The following OR5B12 variants were observed in gnomAD, a reference collection of about 807,000 sequenced individuals.
OR5B12 encodes olfactory receptor family 5 subfamily B member 12.
For synonymous variants in OR5B12, 154 were observed against 138.0 expected (o/e 1.12, Z -0.81); for missense variants, 418 against 377.0 (o/e 1.11, Z -0.90).
rs1855507849 is a variant in OR5B12 at position 58,442,155 on chromosome 11, T to C, written c.-129A>G. 1.3e-5 allele frequency: 2 copies of C among 152,202 alleles called. No individual in the cohort carries two copies. Among genetic ancestry groups the C allele is most frequent in the African/African-American group, 4.8e-5 (2 of 41,454 alleles). 9.4% of individuals were successfully genotyped at this position (152,202 alleles called of 1,614,324 possible). The stretch of plus-strand genomic sequence containing the variant: ...AGGAAAACAACTTTTTGGAGACTGT[T>C]CTTTAGCGTTTGGCCAAAAGGCTTA... On this transcript the variant is annotated 5_prime_UTR_variant, in exon 1 of 2. Transcript: ENST00000641921.
intron 1 of OR5B12, among the ~76,000 whole-genome samples, chr11:58,440,582 T>G (rs1855490162): frequency 6.6e-6 from 1 of 152,208 alleles, no homozygotes; most frequent in Non-Finnish European, 1.5e-5. Flanking sequence ...AGTAATTTAT[T>G]TAATTGACTG....
chr11:58,440,220 C>T lies in OR5B12; in HGVS notation c.-19-50G>A. 4 of 1,134,602 alleles carry T rather than the reference C, an allele frequency of 3.5e-6. 1 individual carries two copies. The highest frequency in any genetic ancestry group is 2.4e-5 in the East Asian group (1 of 42,242). 70.3% of individuals were successfully genotyped at this position (1,134,602 alleles called of 1,614,324 possible). On this transcript the variant is annotated intron_variant, in intron 1 of 1. Coordinates refer to ENST00000641921, the MANE Select transcript of OR5B12 (RefSeq NM_001004733.3). Reference sequence around the variant, plus strand: ...AGAATGATAAATGGAGGGAGGACTACTGAGATCAATCAGCATGCCATTTTT... The same window carrying T: ...AGAATGATAAATGGAGGGAGGACTATTGAGATCAATCAGCATGCCATTTTT...
Position 58,439,767 on chromosome 11 carries a change from G to T in OR5B12, c.385C>A (p.His129Asn). 1 of 1,613,294 alleles carries T rather than the reference G, an allele frequency of 6.2e-7. No individual in the cohort carries two copies. Among genetic ancestry groups the T allele is most frequent in the Non-Finnish European group, 8.5e-7 (1 of 1,179,156 alleles). ...DRYAALCKPL[H>N]YTTTMTTNVC... ...TTTGTTGTCATGGTGGTGGTGTAAT[G>T]CAGGGGTTTACACAATGCTGCATAG... The change falls in exon 2 of 2, where the codon CAT becomes AAT. Residue 129 changes from histidine to asparagine, a missense_variant. Coordinates refer to ENST00000641921, the MANE Select transcript of OR5B12 (RefSeq NM_001004733.3).
chr11:58,441,598 C>A (rs1296404848), intron 1 of OR5B12, among the ~76,000 whole-genome samples: 1 of 152,012 alleles, frequency 6.6e-6, no homozygotes, highest in Non-Finnish European at 1.5e-5. Flanking sequence ...AAAATGCTTC[C>A]AAATCCAAAA....
Position 58,439,677 on chromosome 11 carries a change from C to T in OR5B12, c.475G>A (p.Gly159Arg), listed in dbSNP as rs1261467809. Residue 159 changes from glycine (G) to arginine (R), a missense_variant, in exon 2 of 2, where the codon GGG (glycine) becomes AGG (arginine). Physicochemically the swap from Gly to Arg is moderately radical, Grantham distance 125. Coordinates refer to ENST00000641921, the MANE Select transcript of OR5B12 (RefSeq NM_001004733.3). The part of the protein sequence containing the change: ...CGFLNASIHT[G>R]NTFRLSFCRS... Reference sequence around the variant, plus strand: ...CAGAAGGAGAGCCTGAAAGTGTTCCCAGTATGAATGGATGCATTCAGGAAA... The same window carrying T: ...CAGAAGGAGAGCCTGAAAGTGTTCCTAGTATGAATGGATGCATTCAGGAAA... 1 of 1,613,972 alleles carries T rather than the reference C, an allele frequency of 6.2e-7. No homozygotes were observed. Among genetic ancestry groups the T allele is most frequent in the East Asian group, 2.2e-5 (1 of 44,866 alleles).
chr11:58,439,503 A>C lies in OR5B12; in HGVS notation c.649T>G (p.Leu217Val). The change falls in exon 2 of 2, where the codon TTA becomes GTA. Residue 217 changes from leucine (L) to valine (V), a missense_variant. By Grantham distance (32) the Leu-to-Val change is conservative (BLOSUM62 1). Transcript: ENST00000641921. Reference protein sequence around the residue: ...FSILVILISYLFIFITIMKMR... With the variant: ...FSILVILISYVFIFITIMKMR... ...TTCATGATGGTGATAAATATAAATA[A>C]GTAGGAGATCAAGATTACCAGGATA... The C allele has an allele frequency of 6.2e-7, 1 of 1,614,088 alleles. No homozygotes were observed. Among genetic ancestry groups the C allele is most frequent in the Non-Finnish European group, 8.5e-7 (1 of 1,180,010 alleles).
chr11:58,439,823 C>G lies in OR5B12; in HGVS notation c.329G>C (p.Ser110Thr), dbSNP rs530654758. Residue 110 changes from serine to threonine, a missense_variant, in exon 2 of 2, where the codon AGT becomes ACT. Transcript: ENST00000641921. The part of the protein sequence containing the change: ...FFFVAFITAE[S>T]FLLASMAYDR... The stretch of plus-strand genomic sequence containing the variant: ...ATAGGCCATTGATGCCAGGAGGAAA[C>G]TTTCTGCAGTGATAAAGGCTACAAA... 1 of 1,614,160 alleles carries G rather than the reference C, an allele frequency of 6.2e-7. No individual in the cohort carries two copies. The highest frequency in any genetic ancestry group is 1.3e-5 in the African/African-American group (1 of 75,034).
chr11:58,439,197 T>G lies in OR5B12; in HGVS notation c.*10A>C. 7.0e-7 allele frequency: 1 copy of G among 1,428,580 alleles called. No homozygotes were observed. Among genetic ancestry groups the G allele is most frequent in the Non-Finnish European group, 9.6e-7 (1 of 1,045,232 alleles). 88.5% of individuals were successfully genotyped at this position (1,428,580 alleles called of 1,614,324 possible). Reference sequence around the variant, plus strand: ...GTGGAAAAAATTATCTTATTGTGAATTCTTTATAATTAAAATATGAATCCT... The same window carrying G: ...GTGGAAAAAATTATCTTATTGTGAAGTCTTTATAATTAAAATATGAATCCT... On this transcript the variant is annotated 3_prime_UTR_variant, in exon 2 of 2. Coordinates refer to ENST00000641921, the MANE Select transcript of OR5B12 (RefSeq NM_001004733.3).
chr11:58,439,306 C>T lies in OR5B12; in HGVS notation c.846G>A (p.Met282Ile), dbSNP rs1183464754. The T allele has an allele frequency of 6.2e-7, 1 of 1,613,868 alleles. No individual in the cohort carries two copies. Among genetic ancestry groups the T allele is most frequent in the African/African-American group, 1.3e-5 (1 of 74,908 alleles). The change falls in exon 2 of 2, where the codon ATG (methionine) becomes ATA (isoleucine). Residue 282 changes from methionine to isoleucine, a missense_variant. Met to Ile is a conservative substitution (Grantham distance 10). Transcript: ENST00000641921. ...ASVFYAIVIP[M>I]LNPLVYSLRN... The stretch of plus-strand genomic sequence containing the variant: ...TCAGGCTGTAGACCAGTGGATTCAA[C>T]ATGGGAATGACTATGGCATAGAACA...
At chr11:58,442,020 A>T (rs1855506511) in intron 1 of OR5B12, 26 bp downstream of exon 1, 1 of 152,242 alleles carries the variant, frequency 6.6e-6, no homozygotes, top group African/African-American at 2.4e-5. Flanking sequence ...CTTTGTGCAG[A>T]CAATAGATTT....
intron 1 of OR5B12, among the ~76,000 whole-genome samples, chr11:58,441,498 G>T (rs1017927635): frequency 3.9e-5 from 6 of 152,056 alleles, no homozygotes; most frequent in Admixed American, 2.6e-4. Flanking sequence ...GCAGGGACTC[G>T]AGGCCTTCTT....
rs190375359 is a variant in OR5B12 at position 58,441,754 on chromosome 11, G to A, written c.-20+292C>T. Among the ~76,000 whole-genome samples the A allele has an allele frequency of 3.0e-3, 457 of 152,166 alleles. 3 individuals carry two copies. The highest frequency in any genetic ancestry group is 3.1e-3 in the Non-Finnish European group (208 of 67,974). On this transcript the variant is annotated intron_variant, in intron 1 of 1. Transcript: ENST00000641921. ...TATAACGTGTATATAAAACATAAAT[G>A]AATTTTGTGTTTAAATTTGGGTTTC...
In OR5B12 at chr11:58,439,394, C is replaced by T. The variant is rs147291417; in HGVS notation, c.758G>A (p.Gly253Glu). Residue 253 changes from glycine (G) to glutamate (E), a missense_variant, in exon 2 of 2, where the codon GGA becomes GAA. Gly to Glu is a moderately conservative substitution (Grantham distance 98). Transcript: ENST00000641921. ...LTAVSIFYGT[G>E]IFMYLRPNSS... ...GTTAGGTCGTAAGTACATAAAGATT[C>T]CTGTCCCATAAAAGATGGAAACTGC... is the stretch of plus-strand genomic sequence containing the variant. 2.4e-4 allele frequency: 387 copies of T among 1,613,912 alleles called. No individual in the cohort carries two copies. The highest frequency in any genetic ancestry group is 3.2e-4 in the Non-Finnish European group (373 of 1,180,026).
rs778287845 is a variant in OR5B12, at chr11:58,439,686, T to C, written c.466A>G (p.Ile156Val). The C allele has an allele frequency of 8.1e-6, 13 of 1,613,944 alleles. 1 individual carries two copies. In the South Asian group the frequency reaches 1.4e-4, roughly 18 times the overall value. ...SYICGFLNAS[I>V]HTGNTFRLSF... ...AGCCTGAAAGTGTTCCCAGTATGAA[T>C]GGATGCATTCAGGAAACCACAGATG... Residue 156 changes from isoleucine (I) to valine (V), a missense_variant, in exon 2 of 2, where the codon ATT becomes GTT. Physicochemically the swap from Ile to Val is conservative, Grantham distance 29. Transcript: ENST00000641921.
At chr11:58,440,809 C>T (rs1855492274) in intron 1 of OR5B12, among the ~76,000 whole-genome samples, 1 of 152,136 alleles carries the variant, frequency 6.6e-6, no homozygotes. Flanking sequence ...AGGAACATGA[C>T]TCTTCAGTAA....
chr11:58,441,722 C>A (rs1172530897), intron 1 of OR5B12, among the ~76,000 whole-genome samples: 1 of 152,060 alleles, frequency 6.6e-6, no homozygotes, highest in Non-Finnish European at 1.5e-5. Flanking sequence ...ATTACTTAGG[C>A]TATGGATATA....
Position 58,439,208 on chromosome 11 carries a change from T to A in OR5B12, c.944A>T (p.Ter315LeuextTer2), listed in dbSNP as rs147990706. Residue 315 changes from the stop codon to leucine (L), a stop_lost, in exon 2 of 2, where the codon TAA (stop) becomes TTA (leucine). Coordinates refer to ENST00000641921, the MANE Select transcript of OR5B12 (RefSeq NM_001004733.3). ...TATCTTATTGTGAATTCTTTATAAT[T>A]AAAATATGAATCCTATAGAGGCCTT... ...KAKASIGFIF[*>L] The A allele has an allele frequency of 6.8e-7, 1 of 1,481,028 alleles. No homozygotes were observed. The highest frequency in any genetic ancestry group is 9.2e-7 in the Non-Finnish European group (1 of 1,089,304). The allele number at this position is 1,481,028 out of a possible 1,614,324, so 91.7% of individuals were successfully genotyped here.
Position 58,439,658 on chromosome 11 carries a change from G to A in OR5B12, c.494C>T (p.Ser165Phe), listed in dbSNP as rs1428937687. ...TTCAACTACATTGGATCTACAGAAG[G>A]AGAGCCTGAAAGTGTTCCCAGTATG... ...SIHTGNTFRLSFCRSNVVEHF... is the reference protein window; with the variant it reads ...SIHTGNTFRLFFCRSNVVEHF... Residue 165 changes from serine to phenylalanine, a missense_variant, in exon 2 of 2, where the codon TCC becomes TTC. Ser to Phe is a radical substitution (Grantham distance 155). Transcript: ENST00000641921. 1 of 1,614,108 alleles carries A rather than the reference G, an allele frequency of 6.2e-7. No individual in the cohort carries two copies. Among genetic ancestry groups the A allele is most frequent in the Non-Finnish European group, 8.5e-7 (1 of 1,180,000 alleles).
At chr11:58,441,437 GAAAT>G (rs1485799466) in intron 1 of OR5B12, among the ~76,000 whole-genome samples, 1 of 152,090 alleles carries the variant, frequency 6.6e-6, no homozygotes, top group Non-Finnish European at 1.5e-5. Flanking sequence ...AGAAAACTGA[GAAAT>G]AAATAGTTTA....
Sources: allele counts gnomAD v4.1 joint callset (sites outside exome capture counted in the v4.1 genomes callset), GRCh38; gene constraint gnomAD v4.1.1; transcripts MANE v1.5; gene names NCBI Gene and HGNC (gene_info 2026-07-23, HGNC 2026-07-21).